Variants in ATXN7L1 observed in about 807,000 individuals in gnomAD.
ATXN7L1 encodes ataxin 7 like 1, also known as ataxin-7-like protein 1.
Under a neutral mutation model 70.8 loss-of-function variants are expected in ATXN7L1, and 15 were observed. That is an observed-to-expected ratio of 0.21 (90% CI 0.14 to 0.33). The LOEUF is 0.33. Among genes scored for constraint, ATXN7L1 ranks in the 10% least tolerant of loss-of-function variants. The pLI, the probability that ATXN7L1 is intolerant of heterozygous loss-of-function variation, is 1.00. For synonymous variants in ATXN7L1, 440 were observed against 445.1 expected, an observed-to-expected ratio of 0.99 and a Z score of 0.14; for missense variants, 975 against 1,097.1, an observed-to-expected ratio of 0.89 and a Z score of 1.57.
intron 3 of ATXN7L1, among the ~76,000 whole-genome samples, chr7:105,697,108 C>T (rs747628519): frequency 3.3e-5 from 5 of 151,506 alleles, no homozygotes; most frequent in East Asian, 1.9e-4. Flanking sequence ...ACCACAGGAC[C>T]GAGGCAAAAT....
intron 3 of ATXN7L1, chr7:105,760,409 C>T: frequency 2.0e-6 from 2 of 979,778 alleles, no homozygotes; most frequent in Non-Finnish European, 2.4e-6. Flanking sequence ...AACAGCACAG[C>T]CAGCAGGTGG....
intron 3 of ATXN7L1, among the ~76,000 whole-genome samples, chr7:105,728,690 GC>G (rs1796180818): frequency 6.6e-6 from 1 of 152,122 alleles, no homozygotes; most frequent in South Asian, 2.1e-4. Flanking sequence ...TATAAAAGGT[GC>G]CAGGACTCCC....
At position 105,757,128 on chromosome 7, in the gene ATXN7L1, C is replaced by T. The variant is rs553879066; in HGVS notation, c.355+31476G>A. 5.3e-5 allele frequency among the ~76,000 whole-genome samples: 8 copies of T among 152,118 alleles called. No individual in the cohort carries two copies. In the East Asian group the frequency reaches 1.2e-3, roughly 22 times the overall value. On this transcript the variant is annotated intron_variant, in intron 3 of 11. Transcript: ENST00000419735. ...ATAGAGGGGAATAAAAGAAATTAGG[C>T]GAGGGCCTAAATGAGCACATGCTCG...
intron 3 of ATXN7L1, among the ~76,000 whole-genome samples, chr7:105,731,719 G>A (rs956986267): frequency 1.4e-5 from 1 of 70,204 alleles, no homozygotes; most frequent in African/African-American, 7.6e-5. Context: ...ATAGGCGTGA[G>A]CCACTGCACC....
At chr7:105,677,679 C>A (rs1307817491) in intron 3 of ATXN7L1, among the ~76,000 whole-genome samples, 1 of 152,174 alleles carries the variant, frequency 6.6e-6, no homozygotes, top group Non-Finnish European at 1.5e-5. Flanking sequence ...TGATAATGTC[C>A]ATTAAAAACA....
At chr7:105,731,764 A>AAAAGAAAAGAGAAAAG (rs1554443709) in intron 3 of ATXN7L1, among the ~76,000 whole-genome samples, 3 of 148,070 alleles carry the variant, frequency 2.0e-5, no homozygotes, top group Non-Finnish European at 3.0e-5. Context: ...AAAAGAAAAG[A>AAAAGAAAAGAGAAAAG]AAAGAAAAGA....
At chr7:105,856,707 A>G (rs930751029) in intron 2 of ATXN7L1, among the ~76,000 whole-genome samples, 1 of 152,146 alleles carries the variant, frequency 6.6e-6, no homozygotes, top group Non-Finnish European at 1.5e-5. Context: ...ACTTTTTTAG[A>G]TAGCAGATTG....
At chr7:105,826,350 A>G (rs1036386271) in intron 2 of ATXN7L1, among the ~76,000 whole-genome samples, 3 of 152,230 alleles carry the variant, frequency 2.0e-5, no homozygotes, top group African/African-American at 7.2e-5. Context: ...CAGTTGCTTC[A>G]TCTATAAAAC....
intron 3 of ATXN7L1, among the ~76,000 whole-genome samples, chr7:105,668,960 C>G (rs533195289): frequency 6.6e-6 from 1 of 152,240 alleles, no homozygotes; most frequent in East Asian, 1.9e-4. Flanking sequence ...TGTTCCCAGG[C>G]TGGTCTTGAA....
chr7:105,614,202 C>T lies in ATXN7L1; in HGVS notation c.2132G>A (p.Ser711Asn), dbSNP rs1793493598. The T allele has an allele frequency of 1.3e-6, 2 of 1,551,716 alleles. No homozygotes were observed. Among genetic ancestry groups the T allele is most frequent in the Non-Finnish European group, 1.7e-6 (2 of 1,147,006 alleles). The stretch of plus-strand genomic sequence containing the variant: ...CCGTCCTGAGGGCTCCAGTTTGGCA[C>T]TGAGTGGGCTCACCCCATTGTTTGA... The part of the protein sequence containing the change: ...HNSNNGVSPL[S>N]AKLEPSGRTS... Residue 711 changes from serine to asparagine, a missense_variant, in exon 10 of 12, where the codon AGT (serine) becomes AAT (asparagine). By Grantham distance (46) the Ser-to-Asn change is conservative. Transcript: ENST00000419735. This position sits in a 1 kb window ranked among gnomAD's most constrained non-coding sequence, Gnocchi z 4.3.
At chr7:105,705,151 A>G (rs1792992739) in intron 3 of ATXN7L1, among the ~76,000 whole-genome samples, 2 of 151,874 alleles carry the variant, frequency 1.3e-5, no homozygotes, top group Non-Finnish European at 2.9e-5. Flanking sequence ...CAGTCTCCCA[A>G]GTAGCTGGGA....
At chr7:105,691,210 C>A (rs1460375043) in intron 3 of ATXN7L1, among the ~76,000 whole-genome samples, 1 of 152,122 alleles carries the variant, frequency 6.6e-6, no homozygotes, top group Non-Finnish European at 1.5e-5. Context: ...ACGTTTGAAA[C>A]AATACCCAAT....
At chr7:105,808,023 T>C (rs935462068) in intron 2 of ATXN7L1, among the ~76,000 whole-genome samples, 3 of 152,226 alleles carry the variant, frequency 2.0e-5, no homozygotes, top group African/African-American at 2.4e-5. Context: ...GGATCTCTAG[T>C]GTCCACAGAC....
chr7:105,868,259 G>C (rs1817765700), intron 2 of ATXN7L1, among the ~76,000 whole-genome samples: 1 of 152,084 alleles, frequency 6.6e-6, no homozygotes, highest in East Asian at 1.9e-4. Context: ...TTCCCTATCA[G>C]AGCACTCATC....
intron 10 of ATXN7L1, among the ~76,000 whole-genome samples, chr7:105,613,092 G>A (rs1330572946): frequency 3.3e-5 from 5 of 152,198 alleles, no homozygotes; most frequent in Non-Finnish European, 7.3e-5. Flanking sequence ...GGCGGGGGTG[G>A]TGGTGGGCTT....
rs115724894 is a variant in ATXN7L1, at chr7:105,620,979, C to T, written c.1396-658G>A. 9.7e-3 allele frequency among the ~76,000 whole-genome samples: 1,481 copies of T among 152,088 alleles called. 27 individuals are homozygous for T. Among genetic ancestry groups the T allele is most frequent in the African/African-American group, 0.034 (1,396 of 41,488 alleles). On this transcript the variant is annotated intron_variant, in intron 8 of 11. Transcript: ENST00000419735. ...TTTGTCCTATTATCAGCCACATTTT[C>T]TCAAGGAACTTGGTGGTTCCCTGCT...
chr7:105,665,743 A>T (rs1802509869), intron 3 of ATXN7L1, among the ~76,000 whole-genome samples: 1 of 152,222 alleles, frequency 6.6e-6, no homozygotes, highest in African/African-American at 2.4e-5. Context: ...CTGCAGGAGC[A>T]CTAAAGTAAG....
chr7:105,731,748 A>AAAAAGAAAAGAAAAGAGAAAAGAAAAG (rs1796563086), intron 3 of ATXN7L1, among the ~76,000 whole-genome samples: 2 of 106,964 alleles, frequency 1.9e-5, no homozygotes, highest in African/African-American at 8.7e-5. Flanking sequence ...CTTACTCCTT[A>AAAAAGAAAAGAAAAGAGAAAAGAAAAG]AAAAGAAAAG....
intron 11 of ATXN7L1, 42 bp downstream of exon 11, chr7:105,610,487 A>G: frequency 1.4e-6 from 2 of 1,457,798 alleles, no homozygotes; most frequent in East Asian, 2.5e-5. Context: ...TCTGCTGATG[A>G]CCATATGAAT....
Sources: gnomAD v4.1 joint callset for allele counts (sites outside exome capture counted in the v4.1 genomes callset) on GRCh38, gnomAD v4.1.1 for gene constraint, Gnocchi (gnomAD v3.1) non-coding constraint, MANE v1.5 for transcripts, NCBI Gene and HGNC (gene_info 2026-07-23, HGNC 2026-07-21) for gene names.